Variants in ANKRD13C observed in about 807,000 individuals in gnomAD.
ANKRD13C encodes ankyrin repeat domain-containing protein 13C.
Under a neutral mutation model 65.5 loss-of-function variants are expected in ANKRD13C, and 16 were observed. The observed-to-expected ratio is 0.24, with a 90% CI of 0.17 to 0.37. ANKRD13C has a LOEUF of 0.37. ANKRD13C is among the 10% of genes least tolerant of loss of function. The pLI is 1.00. For synonymous variants in ANKRD13C, 235 were observed against 238.7 expected (o/e 0.98, Z 0.14); for missense variants, 503 against 655.9 (o/e 0.77, Z 2.55).
chr1:70,306,750 C>T (rs1186600253), intron 5 of ANKRD13C, among the ~76,000 whole-genome samples: 5 of 152,032 alleles, frequency 3.3e-5, no homozygotes, highest in African/African-American at 1.2e-4. Flanking sequence ...AGTTTGAATC[C>T]CAAATATGTG....
intron 1 of ANKRD13C, among the ~76,000 whole-genome samples, chr1:70,349,816 T>C (rs1682673212): frequency 6.6e-6 from 1 of 152,084 alleles, no homozygotes; most frequent in South Asian, 2.1e-4. Context: ...AGCAGATCAC[T>C]TGAGAAAAAA....
chr1:70,292,492 A>G lies in ANKRD13C; in HGVS notation c.1111T>C (p.Ser371Pro). Residue 371 changes from serine to proline, a missense_variant, in exon 9 of 13, where the codon TCA (serine) becomes CCA (proline). Transcript: ENST00000370944. Reference sequence around the variant, plus strand: ...CTGAGATGTTCTCTTCTTTTCCTTGATTCTAAAACAAGTCCATTCACCAGG... The same window carrying G: ...CTGAGATGTTCTCTTCTTTTCCTTGGTTCTAAAACAAGTCCATTCACCAGG... The part of the protein sequence containing the change: ...FYLVNGLVLE[S>P]RKRREHLSEE... 1.9e-6 allele frequency: 3 copies of G among 1,609,264 alleles called. No individual in the cohort carries two copies. The highest frequency in any genetic ancestry group is 2.5e-6 in the Non-Finnish European group (3 of 1,178,728).
intron 2 of ANKRD13C, among the ~76,000 whole-genome samples, chr1:70,326,719 A>G (rs986002871): frequency 6.6e-6 from 1 of 152,190 alleles, no homozygotes; most frequent in Admixed American, 6.6e-5. Flanking sequence ...GTAGGGCAAT[A>G]ACAGACATGT....
In ANKRD13C at chr1:70,354,020, G is replaced by C; in HGVS notation, c.389C>G (p.Ser130Cys). Residue 130 changes from serine (S) to cysteine (C), a missense_variant, in exon 1 of 13, where the codon TCT becomes TGT. Transcript: ENST00000370944. The stretch of plus-strand genomic sequence containing the variant: ...CCCGATATTGTGCGTGCGGATGAGA[G>C]AGGAGAGTCTCCTCACATCCCCCTT... Reference protein sequence around the residue: ...VFKGDVRRLSSLIRTHNIGQK... With the variant: ...VFKGDVRRLSCLIRTHNIGQK... The C allele has an allele frequency of 6.4e-7, 1 of 1,560,630 alleles. No homozygotes were observed. The highest frequency in any genetic ancestry group is 2.3e-5 in the East Asian group (1 of 44,354).
At chr1:70,289,198 G>A (rs72929256) in intron 9 of ANKRD13C, among the ~76,000 whole-genome samples, 4,271 of 152,186 alleles carry the variant, frequency 0.028, 202 homozygotes, top group African/African-American at 0.098. Flanking sequence ...AGTAATATTA[G>A]TTTGTTCCAT....
At chr1:70,297,193 C>G (rs1454626314) in intron 7 of ANKRD13C, among the ~76,000 whole-genome samples, 1 of 151,742 alleles carries the variant, frequency 6.6e-6, no homozygotes, top group African/African-American at 2.4e-5. Flanking sequence ...TAGTTAGAGC[C>G]TTCATTCTCC....
chr1:70,317,253 C>T (rs767449929), intron 3 of ANKRD13C, among the ~76,000 whole-genome samples: 101 of 152,188 alleles, frequency 6.6e-4, no homozygotes, highest in Non-Finnish European at 1.2e-3. Flanking sequence ...ACACAGAAAT[C>T]GGAATGCAGG....
intron 11 of ANKRD13C, among the ~76,000 whole-genome samples, chr1:70,274,356 C>T (rs1459775202): frequency 6.6e-6 from 1 of 151,274 alleles, no homozygotes; most frequent in African/African-American, 2.4e-5. Context: ...CACCTATAAT[C>T]CCAGCTACTC....
chr1:70,286,729 T>A (rs1339817574), intron 9 of ANKRD13C, among the ~76,000 whole-genome samples: 1 of 152,210 alleles, frequency 6.6e-6, no homozygotes, highest in East Asian at 1.9e-4. Context: ...CTCATGCCTA[T>A]AATCCCAGCA....
At chr1:70,299,976 G>A (rs12135469) in intron 7 of ANKRD13C, among the ~76,000 whole-genome samples, 10,783 of 152,244 alleles carry the variant, frequency 0.071, 483 homozygotes, top group South Asian at 0.2. Context: ...TGGCATGAGA[G>A]AAGGAAAATC....
intron 10 of ANKRD13C, among the ~76,000 whole-genome samples, chr1:70,276,399 A>C (rs1679135944): frequency 6.6e-6 from 1 of 152,192 alleles, no homozygotes; most frequent in African/African-American, 2.4e-5. Flanking sequence ...CTATGCTAAA[A>C]AATCAGGATA....
rs1288508270 is a variant in ANKRD13C, at chr1:70,354,008, G to A, written c.401C>T (p.Thr134Met). ...ATTATCTTTCTGCCCGATATTGTGC[G>A]TGCGGATGAGAGAGGAGAGTCTCCT... is the stretch of plus-strand genomic sequence containing the variant. Reference protein sequence around the residue: ...DVRRLSSLIRTHNIGQKDNHG... With the variant: ...DVRRLSSLIRMHNIGQKDNHG... Residue 134 changes from threonine to methionine, a missense_variant, in exon 1 of 13, where the codon ACG becomes ATG. Transcript: ENST00000370944. 2 of 1,543,966 alleles carry A rather than the reference G, an allele frequency of 1.3e-6. No individual in the cohort carries two copies. Among genetic ancestry groups the A allele is most frequent in the African/African-American group, 2.7e-5 (2 of 73,054 alleles).
intron 7 of ANKRD13C, among the ~76,000 whole-genome samples, chr1:70,300,298 T>A (rs925925319): frequency 6.6e-6 from 1 of 151,860 alleles, no homozygotes; most frequent in African/African-American, 2.4e-5. Context: ...ATATAAAAAA[T>A]GAAAATAGGC....
At chr1:70,291,067 T>C (rs1172939959) in intron 9 of ANKRD13C, among the ~76,000 whole-genome samples, 1 of 151,938 alleles carries the variant, frequency 6.6e-6, no homozygotes. Context: ...AGTTTCGCTC[T>C]TGTTGCCCAG....
intron 9 of ANKRD13C, among the ~76,000 whole-genome samples, chr1:70,282,350 C>G (rs553362562): frequency 6.6e-6 from 1 of 151,830 alleles, no homozygotes; most frequent in Non-Finnish European, 1.5e-5. Flanking sequence ...ACACCGCGCC[C>G]GGCAATATAA....
At chr1:70,292,749 G>T (rs1462718954) in intron 8 of ANKRD13C, among the ~76,000 whole-genome samples, 200 bp from the exon 9 acceptor site, 4 of 152,092 alleles carry the variant, frequency 2.6e-5, no homozygotes, top group Non-Finnish European at 4.4e-5. Flanking sequence ...ATACACAAAA[G>T]CATACATTTC....
intron 9 of ANKRD13C, among the ~76,000 whole-genome samples, chr1:70,287,492 AG>A (rs1332099558): frequency 2.0e-5 from 3 of 152,204 alleles, no homozygotes; most frequent in African/African-American, 7.2e-5. Context: ...TAAAACTTTT[AG>A]AAAAAAACAC....
chr1:70,341,013 G>A lies in ANKRD13C; in HGVS notation c.431-4914C>T, dbSNP rs562285072. 3.9e-5 allele frequency among the ~76,000 whole-genome samples: 6 copies of A among 152,224 alleles called. No homozygotes were observed. The East Asian group carries it at 1.2e-3, about 30-fold the overall frequency. On this transcript the variant is annotated intron_variant, in intron 1 of 12. Transcript: ENST00000370944. ...GTAGGCCCGCTACTCAGGAGGCTGA[G>A]GCAGGAGAATCACTTGAACCCAGGA...
Position 70,313,794 on chromosome 1 carries a change from A to G in ANKRD13C, c.664-4T>C, listed in dbSNP as rs1362515136. The G allele has an allele frequency of 1.2e-6, 2 of 1,605,604 alleles. No homozygotes were observed. The highest frequency in any genetic ancestry group is 1.1e-5 in the South Asian group (1 of 90,602). The stretch of plus-strand genomic sequence containing the variant: ...GTTCTAGATAAAAGTCACCTAGCTG[A>G]AAAATGAAATATGAATAATTACTAA... On this transcript the variant is annotated splice_polypyrimidine_tract_variant and splice_region_variant and intron_variant, in intron 4 of 12. Transcript: ENST00000370944.
Sources: gnomAD v4.1 joint callset for allele counts (sites outside exome capture counted in the v4.1 genomes callset) on GRCh38, gnomAD v4.1.1 for gene constraint, MANE v1.5 for transcripts, NCBI Gene and HGNC (gene_info 2026-07-23, HGNC 2026-07-21) for gene names.